The following RNF126 variants were observed in gnomAD, a reference collection of about 807,000 sequenced individuals.
RNF126 encodes the protein E3 ubiquitin-protein ligase RNF126.
In RNF126, 20 loss-of-function variants were observed where a neutral mutation model predicts 41.9. The observed-to-expected ratio is 0.48, with a 90% CI of 0.34 to 0.69. The LOEUF (loss-of-function observed/expected upper bound fraction) is 0.69, where lower values mean the gene tolerates loss of function less well. Among genes scored for constraint, RNF126 ranks in the 30% least tolerant of loss-of-function variants. RNF126 has a pLI of 0.01. For synonymous variants in RNF126, 239 were observed against 202.9 expected (o/e 1.18, Z -1.51); for missense variants, 433 against 460.6 (o/e 0.94, Z 0.55).
chr19:659,918 C>G lies in RNF126; in HGVS notation c.75+3129G>C, dbSNP rs1436870495. ...CACTGGGACTACAGGTGCCTGCCACCACGCCTGGCCAATCTTTTGTATTTT... is the reference window on the plus strand; with the variant it reads ...CACTGGGACTACAGGTGCCTGCCACGACGCCTGGCCAATCTTTTGTATTTT... On this transcript the variant is annotated intron_variant, in intron 1 of 8. Coordinates refer to ENST00000292363, the MANE Select transcript of RNF126 (RefSeq NM_194460.3). This position sits in a 1 kb window ranked among gnomAD's most constrained non-coding sequence, Gnocchi z 4.9. Among the ~76,000 whole-genome samples the G allele has an allele frequency of 1.3e-5, 2 of 152,180 alleles. No individual in the cohort carries two copies. The highest frequency in any genetic ancestry group is 2.9e-5 in the Non-Finnish European group (2 of 68,032).
chr19:658,462 T>C (rs1331384088), intron 1 of RNF126, among the ~76,000 whole-genome samples: 1 of 152,048 alleles, frequency 6.6e-6, no homozygotes, highest in Non-Finnish European at 1.5e-5. Flanking sequence ...GGGAGAGTCA[T>C]GGTGCAGTGC....
chr19:648,608 G>A (rs1008058980), intron 7 of RNF126, 121 bp from the exon 8 acceptor site: 17 of 794,048 alleles, frequency 2.1e-5, no homozygotes, highest in Middle Eastern at 3.5e-4. Context: ...GAGAAAAGCC[G>A]TGTGTGTGTC....
intron 4 of RNF126, 183 bp downstream of exon 4, chr19:651,428 A>G (rs2030281009): frequency 1.9e-6 from 1 of 521,296 alleles, no homozygotes; most frequent in South Asian, 3.8e-5. Flanking sequence ...CTGAACCGGC[A>G]TACTTCTGTC....
rs1017404222 is a variant in RNF126, at chr19:649,224, G to GGC, written c.577-250_577-249insGC. On this transcript the variant is annotated intron_variant, in intron 6 of 8. Transcript: ENST00000292363. ...CCTGGGTCCCTGACAGCGGAATGGG[G>GGC]GGGGGGGCCGCGCTCCTGAGTGCCC... is the stretch of plus-strand genomic sequence containing the variant. 1.5e-4 allele frequency: 38 copies of GGC among 257,676 alleles called. 7 individuals carry two copies. The East Asian group carries it at 3.5e-3, about 24-fold the overall frequency. 16.0% of individuals were successfully genotyped at this position (257,676 alleles called of 1,614,324 possible).
Position 651,691 on chromosome 19 carries a change from C to T in RNF126, c.363G>A (p.Arg121=). 1.9e-6 allele frequency: 3 copies of T among 1,594,214 alleles called. No homozygotes were observed. Among genetic ancestry groups the T allele is most frequent in the Non-Finnish European group, 2.6e-6 (3 of 1,171,682 alleles). The change falls in exon 4 of 9, where the codon CGG becomes CGA. Residue 121 remains arginine, a synonymous_variant. Transcript: ENST00000292363. ...RRERDHPSRH[R]YGARQPRARL... ...GGGCGCGGGGCTGTCGGGCGCCGTA[C>T]CGGTGCCGGGACGGATGGTCTCTCT...
At position 647,910 on chromosome 19, in the gene RNF126, G is replaced by A. The variant is rs1286104438; in HGVS notation, c.*218C>T. ...GAGGGTGAGGTTAGACAGAGGACGG[G>A]GAGGCTGGGGACGCCCCAGAGGGGA... On this transcript the variant is annotated 3_prime_UTR_variant, in exon 9 of 9. Coordinates refer to ENST00000292363, the MANE Select transcript of RNF126 (RefSeq NM_194460.3). 2 of 637,332 alleles carry A rather than the reference G, an allele frequency of 3.1e-6. No homozygotes were observed. Among genetic ancestry groups the A allele is most frequent in the Non-Finnish European group, 5.5e-6 (2 of 360,626 alleles). 39.5% of individuals were successfully genotyped at this position (637,332 alleles called of 1,614,324 possible).
intron 1 of RNF126, among the ~76,000 whole-genome samples, chr19:657,553 C>T (rs1170330527): frequency 2.0e-5 from 3 of 152,208 alleles, no homozygotes; most frequent in South Asian, 2.1e-4. Flanking sequence ...GGCCTGTGCA[C>T]GTCGGCCCTG....
chr19:657,835 G>A (rs952753720), intron 1 of RNF126, among the ~76,000 whole-genome samples: 1 of 152,196 alleles, frequency 6.6e-6, no homozygotes, highest in Non-Finnish European at 1.5e-5. Flanking sequence ...CAGGGTGGAG[G>A]TTGAGCCTCT....
Position 648,492 on chromosome 19 carries a change from G to A in RNF126, c.671-5C>T, listed in dbSNP as rs763100693. ...CAGGGCACTCGAGCCCGGAGCCTGC[G>A]GGAGTGTGCAGCTGCGGTCACAGCG... On this transcript the variant is annotated splice_polypyrimidine_tract_variant and splice_region_variant and intron_variant, in intron 7 of 8. Transcript: ENST00000292363. The A allele has an allele frequency of 1.2e-5, 19 of 1,562,794 alleles. No individual in the cohort carries two copies. Among genetic ancestry groups the A allele is most frequent in the East Asian group, 2.4e-5 (1 of 41,644 alleles).
chr19:656,511 C>T (rs753033589), intron 1 of RNF126, among the ~76,000 whole-genome samples: 2 of 151,774 alleles, frequency 1.3e-5, no homozygotes, highest in Non-Finnish European at 1.5e-5. Context: ...TAGCTGGGCA[C>T]GGTGGTGGGT....
intron 1 of RNF126, among the ~76,000 whole-genome samples, chr19:661,838 G>A (rs1165732380): frequency 6.6e-6 from 1 of 152,154 alleles, no homozygotes. Flanking sequence ...ACAGGGTGGG[G>A]AGTCCAGACC....
intron 4 of RNF126, among the ~76,000 whole-genome samples, chr19:650,807 G>A (rs1351149413): frequency 6.6e-6 from 1 of 152,012 alleles, no homozygotes; most frequent in East Asian, 1.9e-4. Flanking sequence ...TGGTCAGGCT[G>A]GTCTCAAACT....
chr19:662,259 C>T (rs958823066), intron 1 of RNF126, among the ~76,000 whole-genome samples: 1 of 152,240 alleles, frequency 6.6e-6, no homozygotes, highest in African/African-American at 2.4e-5. Flanking sequence ...GCGCTGCTCC[C>T]ACCTCCCCCA....
At chr19:655,148 A>G (rs1200141630) in intron 1 of RNF126, among the ~76,000 whole-genome samples, 1 of 152,016 alleles carries the variant, frequency 6.6e-6, no homozygotes, top group Non-Finnish European at 1.5e-5. Context: ...CATTTCTACA[A>G]AAAACAAATT....
chr19:657,587 G>T (rs574169842), intron 1 of RNF126, among the ~76,000 whole-genome samples: 2 of 152,308 alleles, frequency 1.3e-5, no homozygotes, highest in African/African-American at 4.8e-5. Flanking sequence ...CACCCTAGGG[G>T]TTTCAAAGGT....
At chr19:650,036 C>T (rs112309446) in intron 5 of RNF126, among the ~76,000 whole-genome samples, 198 bp downstream of exon 5, 2,191 of 141,944 alleles carry the variant, frequency 0.015, 15 homozygotes, top group African/African-American at 0.042. Context: ...GGACAGGCAC[C>T]CCCACCCACT....
intron 1 of RNF126, among the ~76,000 whole-genome samples, chr19:653,110 C>T (rs1452363047): frequency 2.7e-5 from 4 of 150,778 alleles, no homozygotes; most frequent in Admixed American, 1.3e-4. Flanking sequence ...TGAGCCCCTC[C>T]GACCTGGCCC....
Position 651,786 on chromosome 19 carries a change from T to C in RNF126, c.268A>G (p.Ser90Gly). ...GGAGGGAACGTGGGGATCTCGAAGC[T>C]GTCATCGAAGATGCCGAAAGCAAAC... ...GQFAFGIFDDSFEIPTFPPGA... is the reference protein window; with the variant it reads ...GQFAFGIFDDGFEIPTFPPGA... The change falls in exon 4 of 9, where the codon AGC (serine) becomes GGC (glycine). Residue 90 changes from serine (S) to glycine (G), a missense_variant. Physicochemically the swap from Ser to Gly is moderately conservative, Grantham distance 56. Transcript: ENST00000292363. 3 of 1,612,730 alleles carry C rather than the reference T, an allele frequency of 1.9e-6. No individual in the cohort carries two copies. Among genetic ancestry groups the C allele is most frequent in the Non-Finnish European group, 2.5e-6 (3 of 1,179,862 alleles).
chr19:655,270 C>T (rs1426677816), intron 1 of RNF126, among the ~76,000 whole-genome samples: 1 of 151,266 alleles, frequency 6.6e-6, no homozygotes, highest in African/African-American at 2.4e-5. Context: ...ATCGAGACCG[C>T]AGTGAGCTGT....
Sources: gnomAD v4.1 joint callset for allele counts (sites outside exome capture counted in the v4.1 genomes callset) on GRCh38, gnomAD v4.1.1 for gene constraint, Gnocchi (gnomAD v3.1) non-coding constraint, MANE v1.5 for transcripts, NCBI Gene and HGNC (gene_info 2026-07-23, HGNC 2026-07-21) for gene names.